APOBEC3G: variants seen among roughly 807,000 people sequenced by gnomAD.
APOBEC3G encodes the protein apolipoprotein B mRNA editing enzyme catalytic subunit 3G.
Under a neutral mutation model 50.0 loss-of-function variants are expected in APOBEC3G, and 44 were observed. That is an observed-to-expected ratio of 0.88 (90% CI 0.69 to 1.13). APOBEC3G has a LOEUF of 1.13. Among genes scored for constraint, APOBEC3G ranks in the 50% most tolerant of loss-of-function variants. APOBEC3G has a pLI of 0.00. For missense variants in APOBEC3G, 469 were observed against 492.0 expected (o/e 0.95, Z 0.44); for synonymous variants, 156 against 175.3 (o/e 0.89, Z 0.87).
rs142051350 is a variant in APOBEC3G, at chr22:39,086,531, G to A, written c.988G>A (p.Glu330Lys). 117 of 1,610,580 alleles carry A rather than the reference G, an allele frequency of 7.3e-5. No individual in the cohort carries two copies. The highest frequency in any genetic ancestry group is 9.1e-5 in the Non-Finnish European group (107 of 1,177,626). Residue 330 changes from glutamate (E) to lysine (K), a missense_variant, in exon 6 of 8, where the codon GAG (glutamate) becomes AAG (lysine). Transcript: ENST00000407997. ...TCAGGAGGGGCTGCGCACCCTGGCC[G>A]AGGCTGGGGCCAAAATTTCAATAAT... ...RCQEGLRTLA[E>K]AGAKISIMTY...
At position 39,081,062 on chromosome 22, in the gene APOBEC3G, A is replaced by T. The variant is rs751667946; in HGVS notation, c.301A>T (p.Thr101Ser). 1.2e-6 allele frequency: 2 copies of T among 1,614,234 alleles called. No homozygotes were observed. Among genetic ancestry groups the T allele is most frequent in the South Asian group, 2.2e-5 (2 of 91,086 alleles). The change falls in exon 3 of 8, where the codon ACA (threonine) becomes TCA (serine). Residue 101 changes from threonine to serine, a missense_variant. Transcript: ENST00000407997. ...ATCCTGGAGCCCCTGCACAAAGTGT[A>T]CAAGGGATATGGCCACGTTCCTGGC... ...YISWSPCTKC[T>S]RDMATFLAED... is the part of the protein sequence containing the mutation.
intron 2 of APOBEC3G, chr22:39,080,489 TG>T: frequency 5.7e-6 from 1 of 174,008 alleles, no homozygotes; most frequent in East Asian, 1.6e-4. Context: ...CACAGTCACG[TG>T]GGGGTGAAGG....
At position 39,078,915 on chromosome 22, in the gene APOBEC3G, C is replaced by A; in HGVS notation, c.18-17C>A. 6.2e-7 allele frequency: 1 copy of A among 1,612,842 alleles called. No homozygotes were observed. The highest frequency in any genetic ancestry group is 8.5e-7 in the Non-Finnish European group (1 of 1,179,272). ...GAGTGCTCTCTACATTGGCTGGTTT[C>A]TCTCTTGTGTCTTCAGAAACACAGT... On this transcript the variant is annotated splice_polypyrimidine_tract_variant and intron_variant, in intron 1 of 7. Transcript: ENST00000407997.
At chr22:39,083,629 G>T (rs1928568767) in intron 4 of APOBEC3G, 102 bp from the exon 5 acceptor site, 1 of 1,390,368 alleles carries the variant, frequency 7.2e-7, no homozygotes, top group Non-Finnish European at 1.0e-6. Context: ...GCCGGGGGAA[G>T]GAAGGAGGGT....
rs36007289 is a variant in APOBEC3G at position 39,085,290 on chromosome 22, A to G, written c.736-989A>G. ...AAAGGGAGCCCTCTGGCCTCAGTCTATGTCACTCGTGGGCTTAATACAGGG... is the reference window on the plus strand; with the variant it reads ...AAAGGGAGCCCTCTGGCCTCAGTCTGTGTCACTCGTGGGCTTAATACAGGG... On this transcript the variant is annotated intron_variant, in intron 5 of 7. Coordinates refer to ENST00000407997, the MANE Select transcript of APOBEC3G (RefSeq NM_021822.4). Among the ~76,000 whole-genome samples, 129 of 152,256 alleles carry G rather than the reference A, an allele frequency of 8.5e-4. 1 individual carries two copies. The highest frequency in any genetic ancestry group is 2.1e-3 in the African/African-American group (87 of 41,556).
At position 39,083,747 on chromosome 22, in the gene APOBEC3G, C is replaced by G; in HGVS notation, c.598C>G (p.Pro200Ala). 1 of 1,613,924 alleles carries G rather than the reference C, an allele frequency of 6.2e-7. No individual in the cohort carries two copies. The highest frequency in any genetic ancestry group is 1.1e-5 in the South Asian group (1 of 91,084). ...GEILRHSMDP[P>A]TFTFNFNNEP... ...ACTTTCCAGACACTCGATGGATCCA[C>G]CCACATTCACTTTCAACTTTAACAA... Residue 200 changes from proline (P) to alanine (A), a missense_variant, in exon 5 of 8, where the codon CCC becomes GCC. Physicochemically the swap from Pro to Ala is conservative, Grantham distance 27. Coordinates refer to ENST00000407997, the MANE Select transcript of APOBEC3G (RefSeq NM_021822.4).
intron 2 of APOBEC3G, 52 bp from the exon 3 acceptor site, chr22:39,080,881 T>TCAACAA: frequency 8.8e-7 from 1 of 1,140,884 alleles, no homozygotes; most frequent in Non-Finnish European, 1.2e-6. Flanking sequence ...CCACCCCTGC[T>TCAACAA]CTCCTCCTGC....
chr22:39,081,062 A>AC lies in APOBEC3G; in HGVS notation c.302dup (p.Arg102LysfsTer54), dbSNP rs766780063. The AC allele has an allele frequency of 1.9e-6, 3 of 1,614,234 alleles. No individual in the cohort carries two copies. Among genetic ancestry groups the AC allele is most frequent in the Non-Finnish European group, 2.5e-6 (3 of 1,180,038 alleles). ...ATCCTGGAGCCCCTGCACAAAGTGT[A>AC]CAAGGGATATGGCCACGTTCCTGGC... On this transcript the variant is annotated frameshift_variant, in exon 3 of 8. Transcript: ENST00000407997. LOFTEE classifies it high-confidence loss of function.
In APOBEC3G at chr22:39,083,978, C is replaced by T. The variant is rs1427518825; in HGVS notation, c.735+94C>T. On this transcript the variant is annotated intron_variant, in intron 5 of 7. Transcript: ENST00000407997. Reference sequence around the variant, plus strand: ...TCTGGGTGGTACCTGTGGTGTCCTGCAGAGTGTCTGTCACCTGTGCTTCCT... The same window carrying T: ...TCTGGGTGGTACCTGTGGTGTCCTGTAGAGTGTCTGTCACCTGTGCTTCCT... 11 of 1,453,222 alleles carry T rather than the reference C, an allele frequency of 7.6e-6. 1 individual carries two copies. The highest frequency in any genetic ancestry group is 8.3e-6 in the Non-Finnish European group (9 of 1,079,182). 90.0% of individuals were successfully genotyped at this position (1,453,222 alleles called of 1,614,324 possible).
chr22:39,083,957 G>A (rs1928588989), intron 5 of APOBEC3G, 73 bp downstream of exon 5: 33 of 1,547,574 alleles, frequency 2.1e-5, no homozygotes, highest in Non-Finnish European at 2.8e-5. Flanking sequence ...GAAGGTTCTG[G>A]GTGGTACCTG....
intron 4 of APOBEC3G, 119 bp downstream of exon 4, chr22:39,081,704 C>A: frequency 1.3e-6 from 1 of 762,050 alleles, no homozygotes; most frequent in Non-Finnish European, 2.2e-6. Flanking sequence ...GCCTTCCCTC[C>A]TGCCCCCTGC....
chr22:39,084,528 G>GA (rs10605628), intron 5 of APOBEC3G, among the ~76,000 whole-genome samples: 37 of 147,708 alleles, frequency 2.5e-4, no homozygotes, highest in East Asian at 6.0e-4. Flanking sequence ...TCCGTCTCAA[G>GA]AAAAAAAAAA....
At chr22:39,087,375 C>T in intron 7 of APOBEC3G, 32 bp from the exon 8 acceptor site, 1 of 1,614,126 alleles carries the variant, frequency 6.2e-7, no homozygotes, top group Non-Finnish European at 8.5e-7. Context: ...CTCGCTCACC[C>T]TTTGCTCCAT....
chr22:39,077,217 C>G, upstream of APOBEC3G: 1 of 1,422,710 alleles, frequency 7.0e-7, no homozygotes, highest in East Asian at 2.5e-5. Context: ...TACACCAGCG[C>G]CTGAGCAGGA....
At chr22:39,086,699 T>C (rs934901930) in intron 6 of APOBEC3G, 132 bp downstream of exon 6, 2 of 1,316,676 alleles carry the variant, frequency 1.5e-6, no homozygotes, top group Non-Finnish European at 2.1e-6. Flanking sequence ...AGGCGATGGC[T>C]GCACTCTGGA....
At position 39,079,065 on chromosome 22, in the gene APOBEC3G, G is replaced by A. The variant is rs769205673; in HGVS notation, c.151G>A (p.Ala51Thr). 14 of 1,613,954 alleles carry A rather than the reference G, an allele frequency of 8.7e-6. No homozygotes were observed. Among genetic ancestry groups the A allele is most frequent in the Admixed American group, 5.0e-5 (3 of 59,992 alleles). ...GGGTCCCTCAAGGCCCCCTTTGGAC[G>A]CAAAGATCTTTCGAGGCCAGGTACC... is the stretch of plus-strand genomic sequence containing the variant. The part of the protein sequence containing the change: ...TKGPSRPPLD[A>T]KIFRGQVYSE... The change falls in exon 2 of 8, where the codon GCA (alanine) becomes ACA (threonine). Residue 51 changes from alanine to threonine, a missense_variant. By Grantham distance (58) the Ala-to-Thr change is moderately conservative. Transcript: ENST00000407997.
chr22:39,077,419 C>G, intron 1 of APOBEC3G, 41 bp downstream of exon 1: 1 of 1,571,000 alleles, frequency 6.4e-7, no homozygotes, highest in African/African-American at 1.3e-5. Context: ...CTCTGCTGCC[C>G]CTTCTTGCCT....
Position 39,083,903 on chromosome 22 carries a change from C to A in APOBEC3G, c.735+19C>A. 6.2e-7 allele frequency: 1 copy of A among 1,608,904 alleles called. No homozygotes were observed. Reference sequence around the variant, plus strand: ...CAACCAGGTGACCAACCCAGCCACCCGCATCCAGGCAGGGCCCTCCCAACC... The same window carrying A: ...CAACCAGGTGACCAACCCAGCCACCAGCATCCAGGCAGGGCCCTCCCAACC... On this transcript the variant is annotated intron_variant, in intron 5 of 7. Coordinates refer to ENST00000407997, the MANE Select transcript of APOBEC3G (RefSeq NM_021822.4).
chr22:39,078,034 C>T (rs1424538302), intron 1 of APOBEC3G, among the ~76,000 whole-genome samples: 4 of 152,132 alleles, frequency 2.6e-5, no homozygotes, highest in Non-Finnish European at 2.9e-5. Flanking sequence ...CTGAGGTGGG[C>T]GGATCGCCTG....
Sources: gnomAD v4.1 joint callset for allele counts (sites outside exome capture counted in the v4.1 genomes callset) on GRCh38, gnomAD v4.1.1 for gene constraint, MANE v1.5 for transcripts, NCBI Gene and HGNC (gene_info 2026-07-23, HGNC 2026-07-21) for gene names.